The following CD44 variants were observed in gnomAD, a reference collection of about 807,000 sequenced individuals.
CD44 encodes CD44 molecule (IN blood group).
CD44 carries 49 observed loss-of-function variants against 88.8 expected under a neutral mutation model. The observed-to-expected ratio is 0.55, with a 90% CI of 0.44 to 0.70. The LOEUF is 0.70. Among genes scored for constraint, CD44 ranks in the 30% least tolerant of loss-of-function variants. The pLI is 0.00. For synonymous variants in CD44, 325 were observed against 312.3 expected, an observed-to-expected ratio of 1.04 and a Z score of -0.43; for missense variants, 883 against 913.8, an observed-to-expected ratio of 0.97 and a Z score of 0.43.
At chr11:35,152,313 C>G (rs1266312265) in intron 1 of CD44, among the ~76,000 whole-genome samples, 1 of 152,174 alleles carries the variant, frequency 6.6e-6, no homozygotes, top group East Asian at 1.9e-4. Flanking sequence ...AAAAAGTAGG[C>G]TAGCTACCTG....
At chr11:35,211,772 G>A (rs1470334725) in intron 14 of CD44, among the ~76,000 whole-genome samples, 2 of 151,878 alleles carry the variant, frequency 1.3e-5, no homozygotes, top group Non-Finnish European at 2.9e-5. Context: ...ATATGAAGTT[G>A]AACCACATGA....
intron 1 of CD44, among the ~76,000 whole-genome samples, chr11:35,161,915 T>C (rs1942668951): frequency 6.6e-6 from 1 of 152,168 alleles, no homozygotes; most frequent in African/African-American, 2.4e-5. Flanking sequence ...GTCCATGAGT[T>C]CATAAAAGAG....
At chr11:35,207,780 G>A (rs1455585379) in intron 11 of CD44, among the ~76,000 whole-genome samples, 1 of 152,168 alleles carries the variant, frequency 6.6e-6, no homozygotes. Context: ...CAGATTGCAT[G>A]TTTCTATAAA....
At chr11:35,210,675 T>C (rs1948308761) in intron 13 of CD44, 1 of 153,334 alleles carries the variant, frequency 6.5e-6, no homozygotes, top group Non-Finnish European at 1.5e-5. Context: ...ATAATTGGCG[T>C]AAATGTCTGA....
intron 15 of CD44, among the ~76,000 whole-genome samples, chr11:35,215,635 G>T (rs912565924): frequency 1.3e-5 from 2 of 152,116 alleles, no homozygotes; most frequent in Non-Finnish European, 2.9e-5. Flanking sequence ...TGTAATCCCA[G>T]CACTTTAGGA....
At chr11:35,198,308 A>G in intron 7 of CD44, 62 bp downstream of exon 7, 1 of 1,498,172 alleles carries the variant, frequency 6.7e-7, no homozygotes, top group Non-Finnish European at 9.2e-7. Flanking sequence ...TCTGAGTGAT[A>G]CCAAATTGTA....
intron 1 of CD44, among the ~76,000 whole-genome samples, chr11:35,168,003 C>T (rs1351006397): frequency 1.7e-4 from 26 of 152,204 alleles, no homozygotes; most frequent in Non-Finnish European, 2.8e-4. Context: ...TGGGGAAAGC[C>T]AGTCAAGGTC....
intron 1 of CD44, among the ~76,000 whole-genome samples, chr11:35,158,315 T>C (rs185717824): frequency 1.4e-4 from 22 of 152,224 alleles, no homozygotes; most frequent in South Asian, 2.1e-4. Context: ...CAAGGACGCA[T>C]TGGGGAGTTT....
intron 6 of CD44, chr11:35,197,143 A>G (rs1434035191): frequency 7.4e-6 from 2 of 269,130 alleles, no homozygotes; most frequent in African/African-American, 4.3e-5. Context: ...TTTTAACGAT[A>G]TGGCAAAATT....
chr11:35,184,270 G>T (rs1364855924), intron 3 of CD44, among the ~76,000 whole-genome samples: 3 of 152,176 alleles, frequency 2.0e-5, no homozygotes, highest in Non-Finnish European at 4.4e-5. Flanking sequence ...CATGAAGGGG[G>T]TCCATGTGAA....
rs953885398 is a variant in CD44 at position 35,222,510 on chromosome 11, C to T, written c.2024+778C>T. On this transcript the variant is annotated intron_variant, in intron 17 of 17. Transcript: ENST00000428726. ...GACAGTCACCTCGCTAGAACTGACA[C>T]ATGGGCTGTTTTTATATTCTTGAAG... 18 of 1,132,576 alleles carry T rather than the reference C, an allele frequency of 1.6e-5. No homozygotes were observed. In the African/African-American group the frequency reaches 2.3e-4, roughly 15 times the overall value. The allele number at this position is 1,132,576 out of a possible 1,614,324, so 70.2% of individuals were successfully genotyped here. A position where few individuals can be genotyped will look rare whatever the true frequency, so the allele number is the denominator to read the frequency against.
rs1214096294 is a variant in CD44 at position 35,189,988 on chromosome 11, C to A, written c.590C>A (p.Thr197Asn). Residue 197 changes from threonine to asparagine, a missense_variant, in exon 5 of 18, where the codon ACC becomes AAC. Transcript: ENST00000428726. ...ACTTCAGGAGGTTACATCTTTTACA[C>A]CTTTTCTACTGTACACCCCATCCCA... ...SSTSGGYIFY[T>N]FSTVHPIPDE... The A allele has an allele frequency of 2.5e-6, 4 of 1,614,166 alleles. No individual in the cohort carries two copies. The highest frequency in any genetic ancestry group is 1.3e-5 in the African/African-American group (1 of 75,028).
intron 17 of CD44, among the ~76,000 whole-genome samples, chr11:35,227,780 C>T (rs1420857465): frequency 1.3e-5 from 2 of 152,230 alleles, no homozygotes; most frequent in Non-Finnish European, 2.9e-5. Context: ...TGACTTCATA[C>T]TGTTTCCAAA....
intron 1 of CD44, among the ~76,000 whole-genome samples, chr11:35,155,530 G>A (rs1392737945): frequency 6.6e-6 from 1 of 152,086 alleles, no homozygotes; most frequent in African/African-American, 2.4e-5. Flanking sequence ...GATGGTCTGT[G>A]GCTTATACTC....
intron 1 of CD44, among the ~76,000 whole-genome samples, chr11:35,163,881 T>A (rs1436854834): frequency 6.6e-6 from 1 of 152,104 alleles, no homozygotes; most frequent in Non-Finnish European, 1.5e-5. Flanking sequence ...AAGAAGAGAT[T>A]TGTCTGCCTC....
intron 3 of CD44, among the ~76,000 whole-genome samples, chr11:35,186,509 G>A (rs184857621): frequency 3.8e-4 from 58 of 151,482 alleles, no homozygotes; most frequent in Middle Eastern, 3.4e-3. Context: ...CATTAGAGAA[G>A]GAGCCGTGTC....
chr11:35,155,009 A>C (rs1351008987), intron 1 of CD44, among the ~76,000 whole-genome samples: 1 of 152,138 alleles, frequency 6.6e-6, no homozygotes, highest in Non-Finnish European at 1.5e-5. Flanking sequence ...AGTTCCAGGC[A>C]TCCTAGGAAA....
intron 2 of CD44, among the ~76,000 whole-genome samples, chr11:35,177,945 T>C (rs1397261498): frequency 1.3e-5 from 2 of 152,228 alleles, no homozygotes; most frequent in Admixed American, 6.5e-5. Flanking sequence ...ATTTCCATCA[T>C]TGCAGAAAGT....
At chr11:35,141,891 G>A (rs1265807750) in intron 1 of CD44, among the ~76,000 whole-genome samples, 1 of 152,200 alleles carries the variant, frequency 6.6e-6, no homozygotes, top group African/African-American at 2.4e-5. Context: ...GGGAAGGAAA[G>A]GAGCTCTTGT....
Sources: allele counts gnomAD v4.1 joint callset (sites outside exome capture counted in the v4.1 genomes callset), GRCh38; gene constraint gnomAD v4.1.1; transcripts MANE v1.5; gene names NCBI Gene and HGNC (gene_info 2026-07-23, HGNC 2026-07-21).